MTPN: variants seen among roughly 807,000 people sequenced by gnomAD.
MTPN encodes the protein myotrophin.
MTPN carries 2 observed loss-of-function variants against 13.5 expected under a neutral mutation model. The ratio of observed to expected loss-of-function variants is 0.15; its 90% CI spans 0.06 to 0.47. The LOEUF is 0.47. Among genes scored for constraint, MTPN ranks in the 20% least tolerant of loss-of-function variants. MTPN has a pLI of 0.97. For synonymous variants in MTPN, 46 were observed against 51.7 expected (o/e 0.89, Z 0.48); for missense variants, 79 against 137.9 (o/e 0.57, Z 2.14).
chr7:135,974,591 C>CA (rs1462487092), intron 1 of MTPN, among the ~76,000 whole-genome samples: 3 of 152,136 alleles, frequency 2.0e-5, no homozygotes, highest in African/African-American at 7.2e-5. Flanking sequence ...CTTACTCTTA[C>CA]AGGTAGATTC....
intron 1 of MTPN, 139 bp from the exon 2 acceptor site, chr7:135,951,769 C>G (rs562290174): frequency 1.8e-6 from 1 of 541,442 alleles, no homozygotes; most frequent in Non-Finnish European, 3.2e-6. Context: ...AATAAAATAA[C>G]CAAAAACTTG....
chr7:135,938,014 T>C (rs955074855), intron 3 of MTPN, among the ~76,000 whole-genome samples: 2 of 152,206 alleles, frequency 1.3e-5, no homozygotes, highest in Non-Finnish European at 2.9e-5. Context: ...TATTAGTTTT[T>C]TGGGAGTCAA....
chr7:135,927,789 C>A lies in MTPN; in HGVS notation c.*2137G>T, dbSNP rs1277806415. 4.4e-6 allele frequency: 2 copies of A among 449,490 alleles called. No homozygotes were observed. Among genetic ancestry groups the A allele is most frequent in the Admixed American group, 2.8e-5 (1 of 35,536 alleles). 27.8% of individuals were successfully genotyped at this position (449,490 alleles called of 1,614,324 possible). The stretch of plus-strand genomic sequence containing the variant: ...AAAAGCGAAGGCGAAATAGCCTCTA[C>A]TGCATTACAAGCAACATCAGGATAA... On this transcript the variant is annotated 3_prime_UTR_variant, in exon 4 of 4. Transcript: ENST00000393085.
chr7:135,965,789 A>G (rs1247119154), intron 1 of MTPN, among the ~76,000 whole-genome samples: 3 of 152,180 alleles, frequency 2.0e-5, no homozygotes, highest in Non-Finnish European at 2.9e-5. Context: ...GCTATTTCTA[A>G]GAGAGGAAAT....
intron 3 of MTPN, among the ~76,000 whole-genome samples, chr7:135,931,476 T>C (rs1367028407): frequency 6.6e-6 from 1 of 152,054 alleles, no homozygotes; most frequent in African/African-American, 2.4e-5. Context: ...AAAGTCCTCC[T>C]CAGTATTATT....
At position 135,970,470 on chromosome 7, in the gene MTPN, T is replaced by C. The variant is rs373330728; in HGVS notation, c.72+6559A>G. ...CCAATTTTTGTCTTCTTTATTCTTT[T>C]CTGTTTTAAAAACACCTAATCAATT... On this transcript the variant is annotated intron_variant, in intron 1 of 3. Transcript: ENST00000393085. Among the ~76,000 whole-genome samples, 16 of 152,324 alleles carry C rather than the reference T, an allele frequency of 1.1e-4. No homozygotes were observed. In the South Asian group the frequency reaches 2.9e-3, roughly 28 times the overall value.
intron 3 of MTPN, among the ~76,000 whole-genome samples, chr7:135,942,060 T>G (rs1017310953): frequency 3.3e-5 from 5 of 151,942 alleles, no homozygotes; most frequent in Non-Finnish European, 7.4e-5. Flanking sequence ...ATTTTTTTTT[T>G]GCATTTTTAG....
intron 1 of MTPN, among the ~76,000 whole-genome samples, chr7:135,957,765 T>C (rs1487676537): frequency 6.6e-6 from 1 of 152,106 alleles, no homozygotes; most frequent in African/African-American, 2.4e-5. Context: ...GATAAGTGAG[T>C]TCTTATCCCA....
chr7:135,937,370 T>TACACACAC (rs35704525), intron 3 of MTPN, among the ~76,000 whole-genome samples: 121 of 144,498 alleles, frequency 8.4e-4, no homozygotes, highest in African/African-American at 1.6e-3. Context: ...GCTAACTGGA[T>TACACACAC]ACACACACAC....
chr7:135,973,169 T>G (rs528158519), intron 1 of MTPN, among the ~76,000 whole-genome samples: 1 of 149,508 alleles, frequency 6.7e-6, no homozygotes, highest in Non-Finnish European at 1.5e-5. Flanking sequence ...TATTGAGAGA[T>G]CCCTCCACCT....
intron 3 of MTPN, among the ~76,000 whole-genome samples, chr7:135,943,940 A>G (rs556991436): frequency 3.9e-5 from 6 of 152,332 alleles, no homozygotes; most frequent in African/African-American, 1.4e-4. Flanking sequence ...ATAAAACTGC[A>G]ATGTTTTGAA....
chr7:135,927,581 C>G lies in MTPN; in HGVS notation c.*2345G>C, dbSNP rs1159218102. The G allele has an allele frequency of 2.9e-6, 2 of 685,334 alleles. No homozygotes were observed. The highest frequency in any genetic ancestry group is 2.4e-5 in the Admixed American group (1 of 42,254). The allele number at this position is 685,334 out of a possible 1,614,324, so 42.5% of individuals were successfully genotyped here. A position where few individuals can be genotyped will look rare whatever the true frequency, so the allele number is the denominator to read the frequency against. The stretch of plus-strand genomic sequence containing the variant: ...AAACATGGTTTTAGCTTCCTTTACT[C>G]AAAATATGAACATTAAGTGTTGTGA... On this transcript the variant is annotated 3_prime_UTR_variant, in exon 4 of 4. Transcript: ENST00000393085.
At position 135,928,514 on chromosome 7, in the gene MTPN, G is replaced by A. The variant is rs17168525; in HGVS notation, c.*1412C>T. 0.019 allele frequency: 3,183 copies of A among 166,926 alleles called. 102 individuals are homozygous for A. The highest frequency in any genetic ancestry group is 0.18 in the East Asian group (920 of 5,170). 10.3% of individuals were successfully genotyped at this position (166,926 alleles called of 1,614,324 possible). On this transcript the variant is annotated 3_prime_UTR_variant, in exon 4 of 4. Transcript: ENST00000393085. ...ACCCACCCTCCCCTAAAAATTTGAG[G>A]TACATTCAATTATTGCATGACTTGG... is the stretch of plus-strand genomic sequence containing the variant.
In MTPN at chr7:135,928,736, A is replaced by C. The variant is rs1256930039; in HGVS notation, c.*1190T>G. 6.0e-6 allele frequency: 1 copy of C among 167,094 alleles called. No individual in the cohort carries two copies. The highest frequency in any genetic ancestry group is 2.4e-5 in the African/African-American group (1 of 41,474). The allele number at this position is 167,094 out of a possible 1,614,324, so 10.4% of individuals were successfully genotyped here. A position where few individuals can be genotyped will look rare whatever the true frequency, so the allele number is the denominator to read the frequency against. On this transcript the variant is annotated 3_prime_UTR_variant, in exon 4 of 4. Coordinates refer to ENST00000393085, the MANE Select transcript of MTPN (RefSeq NM_145808.4). ...GGGCACTGTATTCCAAGAACAGAGA[A>C]TACATTTTGAAGTTGTCACACTTTA...
rs1798939726 is a variant in MTPN at position 135,927,539 on chromosome 7, A to G, written c.*2387T>C. On this transcript the variant is annotated 3_prime_UTR_variant, in exon 4 of 4. Coordinates refer to ENST00000393085, the MANE Select transcript of MTPN (RefSeq NM_145808.4). ...AACTTACTTAACCTTTCGCTAATGCATGTAGTACCAGAAAGCAAACATGGT... is the reference window on the plus strand; with the variant it reads ...AACTTACTTAACCTTTCGCTAATGCGTGTAGTACCAGAAAGCAAACATGGT... 1.2e-6 allele frequency: 1 copy of G among 805,596 alleles called. No homozygotes were observed. Among genetic ancestry groups the G allele is most frequent in the Non-Finnish European group, 2.0e-6 (1 of 488,668 alleles). The allele number at this position is 805,596 out of a possible 1,614,324, so 49.9% of individuals were successfully genotyped here.
At chr7:135,947,673 A>C (rs572087815) in intron 3 of MTPN, among the ~76,000 whole-genome samples, 1 of 152,264 alleles carries the variant, frequency 6.6e-6, no homozygotes, top group East Asian at 1.9e-4. Context: ...ATTTCAAGTA[A>C]TAGTAAGAAC....
chr7:135,938,881 AATC>A, intron 3 of MTPN, among the ~76,000 whole-genome samples: 1 of 152,328 alleles, frequency 6.6e-6, no homozygotes, highest in Non-Finnish European at 1.5e-5. Flanking sequence ...GCTTCAAGGA[AATC>A]ATCATGTCTT....
chr7:135,964,009 G>C (rs886341592), intron 1 of MTPN, among the ~76,000 whole-genome samples: 3 of 146,926 alleles, frequency 2.0e-5, no homozygotes, highest in Non-Finnish European at 4.5e-5. Flanking sequence ...TTTATATAAA[G>C]AAAGACTATC....
intron 3 of MTPN, among the ~76,000 whole-genome samples, chr7:135,936,497 A>G (rs1427210151): frequency 6.6e-6 from 1 of 152,256 alleles, no homozygotes; most frequent in Non-Finnish European, 1.5e-5. Flanking sequence ...ACAAACAAAA[A>G]AAACGGATAC....
Sources: allele counts gnomAD v4.1 joint callset (sites outside exome capture counted in the v4.1 genomes callset), GRCh38; gene constraint gnomAD v4.1.1; transcripts MANE v1.5; gene names NCBI Gene and HGNC (gene_info 2026-07-23, HGNC 2026-07-21).